The following ZNF319 variants were observed in gnomAD, a reference collection of about 807,000 sequenced individuals.
ZNF319 encodes zinc finger protein 319.
ZNF319 carries 15 observed loss-of-function variants against 46.0 expected under a neutral mutation model. That is an observed-to-expected ratio of 0.33 (90% CI 0.22 to 0.50). ZNF319 has a LOEUF of 0.50. Among genes scored for constraint, ZNF319 ranks in the 20% least tolerant of loss-of-function variants. The pLI, the probability that ZNF319 is intolerant of heterozygous loss-of-function variation, is 0.98. For missense variants in ZNF319, 635 were observed against 807.0 expected (o/e 0.79, Z 2.58); for synonymous variants, 368 against 364.0 (o/e 1.01, Z -0.13).
At position 57,996,205 on chromosome 16, in the gene ZNF319, G is replaced by A. The variant is rs1355519518; in HGVS notation, c.*312C>T. ...GGAGAAGCCACTTGACTTCCAGCCT[G>A]GCTCCAGTGCCCCGGAAATAAGGGG... On this transcript the variant is annotated 3_prime_UTR_variant, in exon 2 of 2. Transcript: ENST00000299237. 7.5e-6 allele frequency: 3 copies of A among 400,520 alleles called. No individual in the cohort carries two copies. The highest frequency in any genetic ancestry group is 1.3e-5 in the Non-Finnish European group (3 of 225,862). The allele number at this position is 400,520 out of a possible 1,614,324, so 24.8% of individuals were successfully genotyped here.
intron 1 of ZNF319, 77 bp downstream of exon 1, chr16:57,999,416 C>T (rs1260704108): frequency 6.6e-6 from 1 of 152,290 alleles, no homozygotes; most frequent in Non-Finnish European, 1.5e-5. Context: ...ACTCCATTCC[C>T]TTACTCCAAG....
chr16:57,996,132 T>G lies in ZNF319; in HGVS notation c.*385A>C. The G allele has an allele frequency of 4.5e-6, 1 of 223,862 alleles. No homozygotes were observed. The highest frequency in any genetic ancestry group is 1.5e-3 in the Middle Eastern group (1 of 652). The allele number at this position is 223,862 out of a possible 1,614,324, so 13.9% of individuals were successfully genotyped here. On this transcript the variant is annotated 3_prime_UTR_variant, in exon 2 of 2. Coordinates refer to ENST00000299237, the MANE Select transcript of ZNF319 (RefSeq NM_020807.3). ...TTCCTAACCTATGTGGCTGCTAGCT[T>G]GAAAGATATGGGAAGGTTGGGCTGG... is the stretch of plus-strand genomic sequence containing the variant.
At position 57,996,951 on chromosome 16, in the gene ZNF319, G is replaced by A. The variant is rs563911549; in HGVS notation, c.1315C>T (p.Arg439Cys). 3 of 1,602,002 alleles carry A rather than the reference G, an allele frequency of 1.9e-6. No homozygotes were observed. Among genetic ancestry groups the A allele is most frequent in the Non-Finnish European group, 2.5e-6 (3 of 1,178,664 alleles). The change falls in exon 2 of 2, where the codon CGC becomes TGC. Residue 439 changes from arginine to cysteine, a missense_variant. By Grantham distance (180) the Arg-to-Cys change is radical. Transcript: ENST00000299237. ...TGGTGCTTCTGCAGGGCCGACGCGCGCTTGTAGGCCTTGTTGCACACAGGG... is the reference window on the plus strand; with the variant it reads ...TGGTGCTTCTGCAGGGCCGACGCGCACTTGTAGGCCTTGTTGCACACAGGG... ...KCPVCNKAYK[R>C]ASALQKHQLA...
chr16:57,998,000 G>T lies in ZNF319; in HGVS notation c.266C>A (p.Ser89Tyr). 6.2e-7 allele frequency: 1 copy of T among 1,613,104 alleles called. No individual in the cohort carries two copies. Residue 89 changes from serine (S) to tyrosine (Y), a missense_variant, in exon 2 of 2, where the codon TCC becomes TAC. This residue lies in a region of ZNF319 where 227 missense variants were observed against 277.5 expected (regional missense o/e 0.82). Transcript: ENST00000299237. ...CAGACACTGGTGCTCATGCGGACTG[G>T]ACAGGTGCGCCAGGTCGTGACCACA... The part of the protein sequence containing the change: ...GVCGHDLAHL[S>Y]SPHEHQCLAG...
In ZNF319 at chr16:57,997,220, G is replaced by A; in HGVS notation, c.1046C>T (p.Pro349Leu). Residue 349 changes from proline (P) to leucine (L), a missense_variant, in exon 2 of 2, where the codon CCC becomes CTC. This residue lies in a region of ZNF319 where 138 missense variants were observed against 248.0 expected (regional missense o/e 0.56). Coordinates refer to ENST00000299237, the MANE Select transcript of ZNF319 (RefSeq NM_020807.3). ...AERPFKCDLC[P>L]MGFKQQYALM... The stretch of plus-strand genomic sequence containing the variant: ...TGCGTACTGCTGCTTGAAGCCCATG[G>A]GGCACAGGTCGCACTTGAAGGGCCG... 5.0e-6 allele frequency: 8 copies of A among 1,611,770 alleles called. No homozygotes were observed. The highest frequency in any genetic ancestry group is 6.8e-6 in the Non-Finnish European group (8 of 1,179,520).
In ZNF319 at chr16:57,998,005, G is replaced by T; in HGVS notation, c.261C>A (p.His87Gln). ...KCGVCGHDLA[H>Q]LSSPHEHQCL... ...ACTGGTGCTCATGCGGACTGGACAG[G>T]TGCGCCAGGTCGTGACCACACACGC... The change falls in exon 2 of 2, where the codon CAC (histidine) becomes CAA (glutamine). Residue 87 changes from histidine to glutamine, a missense_variant. By Grantham distance (24) the His-to-Gln change is conservative (BLOSUM62 0). Transcript: ENST00000299237. The T allele has an allele frequency of 6.2e-7, 1 of 1,612,926 alleles. No individual in the cohort carries two copies. Among genetic ancestry groups the T allele is most frequent in the African/African-American group, 1.3e-5 (1 of 75,068 alleles).
chr16:57,996,856 AGAG>A lies in ZNF319; in HGVS notation c.1407_1409del (p.Ser471del), dbSNP rs757590261. 105 of 1,604,840 alleles carry A rather than the reference AGAG, an allele frequency of 6.5e-5. No individual in the cohort carries two copies. The highest frequency in any genetic ancestry group is 1.9e-4 in the South Asian group (17 of 90,622). On this transcript the variant is annotated inframe_deletion, in exon 2 of 2. Coordinates refer to ENST00000299237, the MANE Select transcript of ZNF319 (RefSeq NM_020807.3). ...CGCAGCGGTGCTGCACGAACTCGGA[AGAG>A]GAGAAGAAGCGGCGTTCGCAAAGCG...
chr16:57,996,054 T>C lies in ZNF319; in HGVS notation c.*463A>G, dbSNP rs555879901. ...GCCTTCTCCCCCACACGGCAACTGA[T>C]GCCTTACACCTAGCCCACCTCTGGG... On this transcript the variant is annotated 3_prime_UTR_variant, in exon 2 of 2. Coordinates refer to ENST00000299237, the MANE Select transcript of ZNF319 (RefSeq NM_020807.3). 5.5e-4 allele frequency: 91 copies of C among 165,870 alleles called. No individual in the cohort carries two copies. The highest frequency in any genetic ancestry group is 2.1e-3 in the African/African-American group (87 of 41,924). 10.3% of individuals were successfully genotyped at this position (165,870 alleles called of 1,614,324 possible). A position where few individuals can be genotyped will look rare whatever the true frequency, so the allele number is the denominator to read the frequency against.
Position 57,995,960 on chromosome 16 carries a change from T to TAGAGC in ZNF319, c.*552_*556dup. The stretch of plus-strand genomic sequence containing the variant: ...AACCTGGGGACACGTCGCCCCTGGC[T>TAGAGC]AGAGCAGACGGAGAGGGCTGTGACT... On this transcript the variant is annotated 3_prime_UTR_variant, in exon 2 of 2. Coordinates refer to ENST00000299237, the MANE Select transcript of ZNF319 (RefSeq NM_020807.3). 1 of 153,460 alleles carries TAGAGC rather than the reference T, an allele frequency of 6.5e-6. No individual in the cohort carries two copies. The highest frequency in any genetic ancestry group is 1.4e-5 in the Non-Finnish European group (1 of 69,020). 9.5% of individuals were successfully genotyped at this position (153,460 alleles called of 1,614,324 possible).
At position 57,997,312 on chromosome 16, in the gene ZNF319, G is replaced by T. The variant is rs757315470; in HGVS notation, c.954C>A (p.Gly318=). ...TPSGERPFRC[G]ECQKAFKRPS... ...GCCGCTTGAAGGCCTTCTGGCACTC[G>T]CCGCAGCGGAAGGGCCGCTCCCCAC... Residue 318 remains glycine, a synonymous_variant, in exon 2 of 2, where the codon GGC becomes GGA. Transcript: ENST00000299237. 8.7e-6 allele frequency: 14 copies of T among 1,610,040 alleles called. No individual in the cohort carries two copies. The East Asian group carries it at 3.1e-4, about 36-fold the overall frequency.
chr16:57,997,284 A>T lies in ZNF319; in HGVS notation c.982T>A (p.Ser328Thr). 1.2e-6 allele frequency: 2 copies of T among 1,610,954 alleles called. No individual in the cohort carries two copies. Among genetic ancestry groups the T allele is most frequent in the Non-Finnish European group, 1.7e-6 (2 of 1,179,816 alleles). ...GECQKAFKRP[S>T]DLRQHERTHS... ...GTGCGCTCATGCTGCCGCAGGTCCG[A>T]GGGCCGCTTGAAGGCCTTCTGGCAC... is the stretch of plus-strand genomic sequence containing the variant. Residue 328 changes from serine to threonine, a missense_variant, in exon 2 of 2, where the codon TCG (serine) becomes ACG (threonine). Ser to Thr is a moderately conservative substitution (Grantham distance 58, BLOSUM62 1). Coordinates refer to ENST00000299237, the MANE Select transcript of ZNF319 (RefSeq NM_020807.3).
In ZNF319 at chr16:57,998,035, T is replaced by C. The variant is rs775417628; in HGVS notation, c.231A>G (p.Lys77=). ...PLQAAGEPGP[K]CGVCGHDLAH... ...CCAGGTCGTGACCACACACGCCACA[T>C]TTGGGGCCTGGCTCTCCTGCTGCCT... is the stretch of plus-strand genomic sequence containing the variant. Residue 77 remains lysine (K), a synonymous_variant, in exon 2 of 2, where the codon AAA becomes AAG. Transcript: ENST00000299237. The C allele has an allele frequency of 6.2e-7, 1 of 1,611,288 alleles. No homozygotes were observed. Among genetic ancestry groups the C allele is most frequent in the South Asian group, 1.1e-5 (1 of 91,084 alleles).
rs1963062545 is a variant in ZNF319 at position 57,998,080 on chromosome 16, G to C, written c.186C>G (p.Pro62=). The change falls in exon 2 of 2, where the codon CCC becomes CCG. Residue 62 remains proline (P), a synonymous_variant. Transcript: ENST00000299237. The stretch of plus-strand genomic sequence containing the variant: ...CTGCCTGCAGGGGTGCGTGTTGTGG[G>C]GGCTGCAGGCCGGGGTCTGGCTGCA... The part of the protein sequence containing the change: ...ILLQPDPGLQ[P]PQHAPLQAAG... 6.2e-7 allele frequency: 1 copy of C among 1,608,722 alleles called. No homozygotes were observed.
In ZNF319 at chr16:57,996,716, G is replaced by A; in HGVS notation, c.1550C>T (p.Pro517Leu). ...CTGCTTGAAGGCCTTGTCGCAGTTG[G>A]GGCACTTGTAGGGCTTCTCGCCTGT... Reference protein sequence around the residue: ...VHTGEKPYKCPNCDKAFKQRE... With the variant: ...VHTGEKPYKCLNCDKAFKQRE... The change falls in exon 2 of 2, where the codon CCC (proline) becomes CTC (leucine). Residue 517 changes from proline (P) to leucine (L), a missense_variant. By Grantham distance (98) the Pro-to-Leu change is moderately conservative. This residue lies in a region of ZNF319 where 270 missense variants were observed against 281.4 expected (regional missense o/e 0.96). Transcript: ENST00000299237. The A allele has an allele frequency of 1.2e-6, 2 of 1,611,780 alleles. No homozygotes were observed. The highest frequency in any genetic ancestry group is 1.7e-6 in the Non-Finnish European group (2 of 1,179,036).
chr16:57,996,071 A>G lies in ZNF319; in HGVS notation c.*446T>C, dbSNP rs1294903567. 1 of 171,736 alleles carries G rather than the reference A, an allele frequency of 5.8e-6. No homozygotes were observed. The highest frequency in any genetic ancestry group is 1.2e-5 in the Non-Finnish European group (1 of 80,560). 10.6% of individuals were successfully genotyped at this position (171,736 alleles called of 1,614,324 possible). Reference sequence around the variant, plus strand: ...GCAACTGATGCCTTACACCTAGCCCACCTCTGGGGCCCCAGCCCCACCATG... The same window carrying G: ...GCAACTGATGCCTTACACCTAGCCCGCCTCTGGGGCCCCAGCCCCACCATG... On this transcript the variant is annotated 3_prime_UTR_variant, in exon 2 of 2. Coordinates refer to ENST00000299237, the MANE Select transcript of ZNF319 (RefSeq NM_020807.3).
chr16:57,998,634 A>T (rs560036494), intron 1 of ZNF319, 112 bp from the exon 2 acceptor site: 39 of 195,138 alleles, frequency 2.0e-4, no homozygotes, highest in African/African-American at 6.5e-4. Flanking sequence ...CACATCGGGG[A>T]AGGCAGAGGT....
rs1962985269 is a variant in ZNF319 at position 57,995,008 on chromosome 16, AGAG to A, written c.*1506_*1508del. ...GCCACAGGAAGGAACTCAGTCAGAC[AGAG>A]GAGGTGGGCGTGGCTGGTCAGCCTT... On this transcript the variant is annotated 3_prime_UTR_variant, in exon 2 of 2. Transcript: ENST00000299237. 6.6e-6 allele frequency: 1 copy of A among 152,196 alleles called. No homozygotes were observed. Among genetic ancestry groups the A allele is most frequent in the Non-Finnish European group, 1.5e-5 (1 of 68,022 alleles). The allele number at this position is 152,196 out of a possible 1,614,324, so 9.4% of individuals were successfully genotyped here.
chr16:57,996,812 G>A lies in ZNF319; in HGVS notation c.1454C>T (p.Pro485Leu). 6.2e-7 allele frequency: 1 copy of A among 1,609,416 alleles called. No individual in the cohort carries two copies. Among genetic ancestry groups the A allele is most frequent in the Non-Finnish European group, 8.5e-7 (1 of 1,178,834 alleles). ...TTTCTCGCAGTCTGGGCACTTGAGT[G>A]GCTTCTCGCGGGCCGGATCGCAGCG... Reference protein sequence around the residue: ...QHRCDPAREKPLKCPDCEKRF... With the variant: ...QHRCDPAREKLLKCPDCEKRF... Residue 485 changes from proline (P) to leucine (L), a missense_variant, in exon 2 of 2, where the codon CCA becomes CTA. By Grantham distance (98) the Pro-to-Leu change is moderately conservative. This residue lies in a region of ZNF319 where 270 missense variants were observed against 281.4 expected (regional missense o/e 0.96). Transcript: ENST00000299237.
In ZNF319 at chr16:57,998,149, G is replaced by A; in HGVS notation, c.117C>T (p.Gly39=). ...CACAGCCCAGGGGGTTCTCCGCCGT[G>A]CCCGGAGGCAGCGTGTGCTCTGCCA... ...PALAEHTLPP[G]TAENPLGCAV... Residue 39 remains glycine (G), a synonymous_variant, in exon 2 of 2, where the codon GGC becomes GGT. Coordinates refer to ENST00000299237, the MANE Select transcript of ZNF319 (RefSeq NM_020807.3). 6.3e-7 allele frequency: 1 copy of A among 1,581,524 alleles called. No individual in the cohort carries two copies. The highest frequency in any genetic ancestry group is 8.6e-7 in the Non-Finnish European group (1 of 1,159,618).
Sources: allele counts gnomAD v4.1 joint callset, GRCh38; gene constraint gnomAD v4.1.1; regional missense constraint gnomAD v4.1.1; transcripts MANE v1.5; gene names NCBI Gene and HGNC (gene_info 2026-07-23, HGNC 2026-07-21).